KAT2B: variants seen among roughly 807,000 people sequenced by gnomAD.
KAT2B encodes the protein histone acetyltransferase KAT2B.
A neutral mutation model predicts 105.9 loss-of-function variants in KAT2B; 36 were observed. The ratio of observed to expected loss-of-function variants is 0.34; its 90% CI spans 0.26 to 0.45. KAT2B has a LOEUF of 0.45. Among genes scored for constraint, KAT2B ranks in the 20% least tolerant of loss-of-function variants. The pLI, the probability that KAT2B is intolerant of heterozygous loss-of-function variation, is 1.00. For missense variants in KAT2B, 820 were observed against 1,021.6 expected (o/e 0.80, Z 2.69); for synonymous variants, 397 against 377.9 (o/e 1.05, Z -0.59).
chr3:20,153,189 C>G lies in KAT2B; in HGVS notation c.*664C>G, dbSNP rs779027526. 3 of 152,632 alleles carry G rather than the reference C, an allele frequency of 2.0e-5. No individual in the cohort carries two copies. Among genetic ancestry groups the G allele is most frequent in the Non-Finnish European group, 4.4e-5 (3 of 67,966 alleles). 9.5% of individuals were successfully genotyped at this position (152,632 alleles called of 1,614,324 possible). A position where few individuals can be genotyped will look rare whatever the true frequency, so the allele number is the denominator to read the frequency against. ...TCTAGGTTTTTGATAATTCTGTCTA[C>G]TTACAACAAACTTGTTAGTACATAA... On this transcript the variant is annotated 3_prime_UTR_variant, in exon 18 of 18. Coordinates refer to ENST00000263754, the MANE Select transcript of KAT2B (RefSeq NM_003884.5).
chr3:20,075,639 T>G (rs996927028), intron 2 of KAT2B, among the ~76,000 whole-genome samples: 1 of 152,112 alleles, frequency 6.6e-6, no homozygotes, highest in African/African-American at 2.4e-5. Context: ...ACACTTCAGT[T>G]TACTGGTTTA....
At position 20,149,495 on chromosome 3, in the gene KAT2B, C is replaced by CAAAAAAAAAAAAAAAAA. The variant is rs56091316; in HGVS notation, c.2305+1017_2305+1033dup. On this transcript the variant is annotated intron_variant, in intron 17 of 17. Transcript: ENST00000263754. Reference sequence around the variant, plus strand: ...TGGGCACTGGAGGGAGACCGTATCTCAAAAAAAAAAAAAAAAAAAAAAAAA... The same window carrying CAAAAAAAAAAAAAAAAA: ...TGGGCACTGGAGGGAGACCGTATCTCAAAAAAAAAAAAAAAAAAAAAAAAAAAAAAAAAAAAAAAAAA... Among the ~76,000 whole-genome samples the CAAAAAAAAAAAAAAAAA allele has an allele frequency of 4.4e-3, 187 of 42,420 alleles. 19 individuals are homozygous for CAAAAAAAAAAAAAAAAA. In the East Asian group the frequency reaches 0.054, roughly 12 times the overall value. The allele number at this position is 42,420 out of a possible 152,430, so 27.8% of individuals were successfully genotyped here. A position where few individuals can be genotyped will look rare whatever the true frequency, so the allele number is the denominator to read the frequency against.
chr3:20,127,490 C>T lies in KAT2B; in HGVS notation c.1690C>T (p.Pro564Ser). 6.2e-7 allele frequency: 1 copy of T among 1,613,076 alleles called. No individual in the cohort carries two copies. The highest frequency in any genetic ancestry group is 8.5e-7 in the Non-Finnish European group (1 of 1,179,058). The change falls in exon 11 of 18, where the codon CCA (proline) becomes TCA (serine). Residue 564 changes from proline (P) to serine (S), a missense_variant. Around this residue, in one of 6 missense-constraint regions of KAT2B, gnomAD observed 225 missense variants for 268.1 expected, o/e 0.84. Transcript: ENST00000263754. ...TGGTGGTATCTGTTTCCGTATGTTC[C>T]CATCTCAAGGATTCACAGAGATTGT... Reference protein sequence around the residue: ...VIGGICFRMFPSQGFTEIVFC... With the variant: ...VIGGICFRMFSSQGFTEIVFC...
rs952911213 is a variant in KAT2B at position 20,119,789 on chromosome 3, T to G, written c.1276+66T>G. On this transcript the variant is annotated intron_variant, in intron 8 of 17. Coordinates refer to ENST00000263754, the MANE Select transcript of KAT2B (RefSeq NM_003884.5). ...TCCAGGAGCTCCATTACCTGAGGAG[T>G]GCAAAAGGTAGACTTGAACCAAGTA... 3 of 1,557,996 alleles carry G rather than the reference T, an allele frequency of 1.9e-6. No homozygotes were observed. The African/African-American group carries it at 4.1e-5, about 21-fold the overall frequency.
chr3:20,061,422 T>C (rs1698098466), intron 1 of KAT2B, among the ~76,000 whole-genome samples: 1 of 152,202 alleles, frequency 6.6e-6, no homozygotes, highest in Non-Finnish European at 1.5e-5. Flanking sequence ...TTGTGCTTAA[T>C]AATGATACTA....
In KAT2B at chr3:20,127,460, G is replaced by A; in HGVS notation, c.1660G>A (p.Val554Ile). The A allele has an allele frequency of 6.2e-7, 1 of 1,613,102 alleles. No homozygotes were observed. The highest frequency in any genetic ancestry group is 8.5e-7 in the Non-Finnish European group (1 of 1,179,022). The part of the protein sequence containing the change: ...KTLALIKDGR[V>I]IGGICFRMFP... ...CCTTGCTTTAATTAAAGATGGCCGT[G>A]TTATTGGTGGTATCTGTTTCCGTAT... The change falls in exon 11 of 18, where the codon GTT becomes ATT. Residue 554 changes from valine (V) to isoleucine (I), a missense_variant. Around this residue, in one of 6 missense-constraint regions of KAT2B, gnomAD observed 225 missense variants for 268.1 expected, o/e 0.84. Coordinates refer to ENST00000263754, the MANE Select transcript of KAT2B (RefSeq NM_003884.5).
At position 20,153,757 on chromosome 3, in the gene KAT2B, C is replaced by CA. The variant is rs1262524390; in HGVS notation, c.*1232_*1233insA. ...TATAAATGAAGGCCATCTTGATGGT[C>CA]TCAACACTAATTTTTATGATGCAAA... On this transcript the variant is annotated 3_prime_UTR_variant, in exon 18 of 18. Transcript: ENST00000263754. 6.6e-6 allele frequency: 1 copy of CA among 152,586 alleles called. No individual in the cohort carries two copies. Among genetic ancestry groups the CA allele is most frequent in the African/African-American group, 2.4e-5 (1 of 41,444 alleles). The allele number at this position is 152,586 out of a possible 1,614,324, so 9.5% of individuals were successfully genotyped here.
At chr3:20,073,957 C>G (rs554166005) in intron 2 of KAT2B, among the ~76,000 whole-genome samples, 17 of 152,280 alleles carry the variant, frequency 1.1e-4, no homozygotes, top group Middle Eastern at 3.4e-3. Context: ...ATTCTAAGCA[C>G]GTAAACACAC....
intron 1 of KAT2B, among the ~76,000 whole-genome samples, chr3:20,061,235 G>A (rs924747356): frequency 8.5e-5 from 13 of 152,070 alleles, no homozygotes; most frequent in African/African-American, 3.1e-4. Context: ...TACAGTATTT[G>A]TCATTTTGTG....
chr3:20,147,420 T>A (rs1039784116), intron 14 of KAT2B, among the ~76,000 whole-genome samples: 8 of 152,102 alleles, frequency 5.3e-5, no homozygotes, highest in African/African-American at 1.9e-4. Flanking sequence ...TAGGGTTCTG[T>A]TTTATAGATT....
At chr3:20,086,289 A>G (rs955667696) in intron 2 of KAT2B, among the ~76,000 whole-genome samples, 10 of 150,524 alleles carry the variant, frequency 6.6e-5, no homozygotes, top group Non-Finnish European at 1.5e-5. Flanking sequence ...AACAAAAACA[A>G]AAAGGAAGAA....
chr3:20,069,840 G>T (rs1698288125), intron 1 of KAT2B, among the ~76,000 whole-genome samples: 1 of 151,984 alleles, frequency 6.6e-6, no homozygotes. Flanking sequence ...AGCTTTTCTT[G>T]TATCTGCATT....
intron 11 of KAT2B, among the ~76,000 whole-genome samples, chr3:20,130,873 G>C (rs992221640): frequency 1.3e-5 from 2 of 151,536 alleles, no homozygotes; most frequent in Non-Finnish European, 2.9e-5. Context: ...GTGTGTGTGC[G>C]TGCATGTGTG....
chr3:20,046,541 C>T (rs1697814882), intron 1 of KAT2B, among the ~76,000 whole-genome samples: 1 of 152,146 alleles, frequency 6.6e-6, no homozygotes, highest in South Asian at 2.1e-4. Context: ...TGAGATCATG[C>T]CACTGCACTA....
Position 20,062,173 on chromosome 3 carries a change from T to C in KAT2B, c.304-10160T>C, listed in dbSNP as rs180884221. On this transcript the variant is annotated intron_variant, in intron 1 of 17. Coordinates refer to ENST00000263754, the MANE Select transcript of KAT2B (RefSeq NM_003884.5). ...AAAAATATATAATATATAATATATA[T>C]AATATATAATATATAAAATATATAT... 1.7e-3 allele frequency among the ~76,000 whole-genome samples: 104 copies of C among 62,894 alleles called. 3 individuals are homozygous for C. Among genetic ancestry groups the C allele is most frequent in the African/African-American group, 6.4e-3 (99 of 15,532 alleles). The allele number at this position is 62,894 out of a possible 152,430, so 41.3% of individuals were successfully genotyped here.
intron 1 of KAT2B, among the ~76,000 whole-genome samples, chr3:20,053,570 A>G (rs1384995455): frequency 6.6e-6 from 1 of 152,186 alleles, no homozygotes; most frequent in African/African-American, 2.4e-5. Flanking sequence ...TCAGGAAGGT[A>G]TATGAGTGTT....
chr3:20,106,327 T>C (rs1173610951), intron 5 of KAT2B, among the ~76,000 whole-genome samples: 2 of 152,252 alleles, frequency 1.3e-5, no homozygotes, highest in African/African-American at 2.4e-5. Flanking sequence ...AAATCTTTTC[T>C]ACAGTTACTT....
At position 20,149,544 on chromosome 3, in the gene KAT2B, AAAGG is replaced by A. The variant is rs145780391; in HGVS notation, c.2305+1061_2305+1064del. ...AATTGTGGAAGTGTTAAAAATGTGA[AAAGG>A]AAGAGTGAAAGGGACGCATTAGCTC... On this transcript the variant is annotated intron_variant, in intron 17 of 17. Transcript: ENST00000263754. Among the ~76,000 whole-genome samples, 410 of 149,948 alleles carry A rather than the reference AAAGG, an allele frequency of 2.7e-3. 1 individual carries two copies. Among genetic ancestry groups the A allele is most frequent in the African/African-American group, 9.6e-3 (388 of 40,442 alleles).
At chr3:20,125,876 G>T (rs1185911814) in intron 9 of KAT2B, 29 bp from the exon 10 acceptor site, 5 of 1,580,456 alleles carry the variant, frequency 3.2e-6, no homozygotes, top group Non-Finnish European at 2.6e-6. Flanking sequence ...ATAGCTCTGT[G>T]TAATTTTTTC....
Sources: allele counts gnomAD v4.1 joint callset (sites outside exome capture counted in the v4.1 genomes callset), GRCh38; gene constraint gnomAD v4.1.1; regional missense constraint gnomAD v4.1.1; transcripts MANE v1.5; gene names NCBI Gene and HGNC (gene_info 2026-07-23, HGNC 2026-07-21).